Variants in TNFSF11 observed in about 807,000 individuals in gnomAD.
TNFSF11 encodes TNF superfamily member 11, also known as tumor necrosis factor ligand superfamily member 11.
TNFSF11 carries 12 observed loss-of-function variants against 32.2 expected under a neutral mutation model. The observed-to-expected ratio is 0.37, with a 90% CI of 0.24 to 0.60. TNFSF11 has a LOEUF of 0.60. TNFSF11 is among the 20% of genes least tolerant of loss of function. TNFSF11 has a pLI of 0.66. For synonymous variants in TNFSF11, 172 were observed against 152.1 expected, an observed-to-expected ratio of 1.13 and a Z score of -0.96; for missense variants, 345 against 398.0, an observed-to-expected ratio of 0.87 and a Z score of 1.13.
chr13:42,601,717 G>T (rs546363610), intron 4 of TNFSF11, among the ~76,000 whole-genome samples: 2 of 152,212 alleles, frequency 1.3e-5, no homozygotes, highest in East Asian at 3.9e-4. Context: ...GATCTTAAAG[G>T]GGGATCTTCA....
upstream of TNFSF11, chr13:42,574,130 A>T: frequency 1.3e-6 from 1 of 788,208 alleles, no homozygotes; most frequent in Non-Finnish European, 2.0e-6. Flanking sequence ...GGTTTATAAG[A>T]GTTGGGGCTG....
At chr13:42,580,037 AAGAG>A (rs1873526514) in intron 1 of TNFSF11, among the ~76,000 whole-genome samples, 1 of 152,188 alleles carries the variant, frequency 6.6e-6, no homozygotes, top group African/African-American at 2.4e-5. Flanking sequence ...TAATTTTTAA[AAGAG>A]AGAAAGAGAC....
At chr13:42,563,367 G>A (rs1490251673) in intron 1 of TNFSF11, among the ~76,000 whole-genome samples, 1 of 152,194 alleles carries the variant, frequency 6.6e-6, no homozygotes, top group Non-Finnish European at 1.5e-5. Context: ...ATTTAAGTAA[G>A]AACAAAGAAG....
chr13:42,588,886 A>T (rs1031112054), intron 2 of TNFSF11, among the ~76,000 whole-genome samples: 1 of 152,110 alleles, frequency 6.6e-6, no homozygotes, highest in Non-Finnish European at 1.5e-5. Context: ...AATTGTCAAG[A>T]GCTGTCTGTT....
intron 2 of TNFSF11, among the ~76,000 whole-genome samples, chr13:42,586,371 T>G (rs1310396338): frequency 1.3e-5 from 2 of 152,232 alleles, no homozygotes; most frequent in African/African-American, 2.4e-5. Flanking sequence ...CATAAAGCCA[T>G]TCAGAATGTT....
intron 1 of TNFSF11, among the ~76,000 whole-genome samples, chr13:42,580,272 T>C (rs1349998536): frequency 6.6e-6 from 1 of 152,210 alleles, no homozygotes; most frequent in Non-Finnish European, 1.5e-5. Flanking sequence ...AGGCAGACAA[T>C]TTTAAAGAGT....
chr13:42,567,114 C>T (rs1872899628), intron 2 of TNFSF11, among the ~76,000 whole-genome samples: 4 of 152,024 alleles, frequency 2.6e-5, no homozygotes, highest in Admixed American at 2.6e-4. Context: ...AAATTATTTT[C>T]TGAGGAAAAC....
chr13:42,600,977 A>T lies in TNFSF11; in HGVS notation c.528A>T (p.Pro176=). The T allele has an allele frequency of 6.2e-7, 1 of 1,614,174 alleles. No individual in the cohort carries two copies. The highest frequency in any genetic ancestry group is 1.1e-5 in the South Asian group (1 of 91,088). The change falls in exon 4 of 5, where the codon CCA becomes CCT. Residue 176 remains proline (P), a synonymous_variant. Transcript: ENST00000398795. ...AHLTINATDI[P]SGSHKVSLSS... Reference sequence around the variant, plus strand: ...TCACTATTAATGCCACCGACATCCCATCTGGTAAGCTCTATCTGCATCCAG... The same window carrying T: ...TCACTATTAATGCCACCGACATCCCTTCTGGTAAGCTCTATCTGCATCCAG...
chr13:42,590,180 G>C (rs971369638), intron 2 of TNFSF11, among the ~76,000 whole-genome samples: 1 of 152,236 alleles, frequency 6.6e-6, no homozygotes, highest in African/African-American at 2.4e-5. Flanking sequence ...AAAGTTTAAA[G>C]AACAAGTTTA....
intron 1 of TNFSF11, among the ~76,000 whole-genome samples, chr13:42,577,584 T>C (rs1330550413): frequency 6.6e-6 from 1 of 152,208 alleles, no homozygotes; most frequent in Non-Finnish European, 1.5e-5. Flanking sequence ...ATAACCATAT[T>C]CAAAGCTTAG....
Position 42,582,092 on chromosome 13 carries a change from C to T in TNFSF11, c.387+799C>T, listed in dbSNP as rs1873645033. On this transcript the variant is annotated intron_variant, in intron 2 of 4. Transcript: ENST00000398795. The stretch of plus-strand genomic sequence containing the variant: ...ACCTGCATGCATGCATCCACTTCTA[C>T]ATCCCAGCCTCTGTGTTGCAACTCC... Among the ~76,000 whole-genome samples the T allele has an allele frequency of 2.0e-5, 3 of 152,232 alleles. No individual in the cohort carries two copies. In the South Asian group the frequency reaches 6.2e-4, roughly 32 times the overall value.
chr13:42,584,995 A>T (rs1177280760), intron 2 of TNFSF11, among the ~76,000 whole-genome samples: 1 of 152,222 alleles, frequency 6.6e-6, no homozygotes, highest in African/African-American at 2.4e-5. Context: ...ATACCTTATC[A>T]TTAGAATCAA....
At position 42,597,464 on chromosome 13, in the gene TNFSF11, A is replaced by G. The variant is rs185239765; in HGVS notation, c.388-3288A>G. Among the ~76,000 whole-genome samples, 12 of 152,126 alleles carry G rather than the reference A, an allele frequency of 7.9e-5. No individual in the cohort carries two copies. In the East Asian group the frequency reaches 2.3e-3, roughly 29 times the overall value. ...CTCTGACCTAGAAGTTTCTGATTAA[A>G]TGGGAAAGAAAAGTTCATAGTTCAT... is the stretch of plus-strand genomic sequence containing the variant. On this transcript the variant is annotated intron_variant, in intron 2 of 4. Transcript: ENST00000398795.
At chr13:42,587,310 C>T (rs867189955) in intron 2 of TNFSF11, among the ~76,000 whole-genome samples, 1 of 152,196 alleles carries the variant, frequency 6.6e-6, no homozygotes, top group African/African-American at 2.4e-5. Context: ...AAGGTAGTCT[C>T]TAGCTGAGCA....
chr13:42,602,103 A>T (rs561060113), intron 4 of TNFSF11, among the ~76,000 whole-genome samples: 1 of 152,300 alleles, frequency 6.6e-6, no homozygotes, highest in South Asian at 2.1e-4. Context: ...GATTCATGTG[A>T]CGTCTAATAA....
In TNFSF11 at chr13:42,607,037, C is replaced by T. The variant is rs200387399; in HGVS notation, c.*119C>T. The T allele has an allele frequency of 6.3e-6, 8 of 1,265,938 alleles. No individual in the cohort carries two copies. Among genetic ancestry groups the T allele is most frequent in the Admixed American group, 1.9e-5 (1 of 52,574 alleles). The allele number at this position is 1,265,938 out of a possible 1,614,324, so 78.4% of individuals were successfully genotyped here. A position where few individuals can be genotyped will look rare whatever the true frequency, so the allele number is the denominator to read the frequency against. ...TAAGAGGCATGGCCCCAACGGTACA[C>T]GACTCAGTATCCATGCTCTTGACCT... is the stretch of plus-strand genomic sequence containing the variant. On this transcript the variant is annotated 3_prime_UTR_variant, in exon 5 of 5. Coordinates refer to ENST00000398795, the MANE Select transcript of TNFSF11 (RefSeq NM_003701.4).
chr13:42,599,349 C>CTATCTATCATCTATCTATCTATCT (rs11385072), intron 2 of TNFSF11, among the ~76,000 whole-genome samples: 4 of 112,244 alleles, frequency 3.6e-5, no homozygotes, highest in Non-Finnish European at 5.5e-5. Context: ...ATCTATCTAT[C>CTATCTATCATCTATCTATCTATCT]ATCTATCTAT....
chr13:42,574,018 G>A (rs1031333181), upstream of TNFSF11: 2 of 511,504 alleles, frequency 3.9e-6, no homozygotes, highest in Non-Finnish European at 7.0e-6. Flanking sequence ...CAGAGATTGA[G>A]AGAGAGGGAG....
At chr13:42,576,615 G>T (rs975582419) in intron 1 of TNFSF11, among the ~76,000 whole-genome samples, 1 of 152,048 alleles carries the variant, frequency 6.6e-6, no homozygotes, top group African/African-American at 2.4e-5. Context: ...ACCCAATTTT[G>T]TATTGCATTT....
Sources: allele counts gnomAD v4.1 joint callset (sites outside exome capture counted in the v4.1 genomes callset), GRCh38; gene constraint gnomAD v4.1.1; transcripts MANE v1.5; gene names NCBI Gene and HGNC (gene_info 2026-07-23, HGNC 2026-07-21).